The following DEPDC1 variants were observed in gnomAD, a reference collection of about 807,000 sequenced individuals.
DEPDC1 encodes the protein DEP domain containing 1.
DEPDC1 carries 66 observed loss-of-function variants against 86.8 expected under a neutral mutation model. The observed-to-expected ratio is 0.76, with a 90% CI of 0.62 to 0.93. The LOEUF (loss-of-function observed/expected upper bound fraction) is 0.93, where lower values mean the gene tolerates loss of function less well. Among genes scored for constraint, DEPDC1 ranks in the 40% least tolerant of loss-of-function variants. DEPDC1 has a pLI of 0.00. For missense variants in DEPDC1, 792 were observed against 935.7 expected (o/e 0.85, Z 2.00); for synonymous variants, 255 against 314.9 (o/e 0.81, Z 2.02).
Position 68,488,956 on chromosome 1 carries a change from C to T in DEPDC1, c.550G>A (p.Glu184Lys). The T allele has an allele frequency of 1.2e-6, 2 of 1,605,134 alleles. No homozygotes were observed. The highest frequency in any genetic ancestry group is 1.7e-6 in the Non-Finnish European group (2 of 1,174,358). The change falls in exon 4 of 12, where the codon GAA (glutamate) becomes AAA (lysine). Residue 184 changes from glutamate to lysine, a missense_variant. Coordinates refer to ENST00000456315, the MANE Select transcript of DEPDC1 (RefSeq NM_001114120.3). Reference protein sequence around the residue: ...NAIDNRELSQEDVEEVWRYVI... With the variant: ...NAIDNRELSQKDVEEVWRYVI... The stretch of plus-strand genomic sequence containing the variant: ...TATCTCCAAACTTCTTCAACATCTT[C>T]CTGGCTTAGTTCTCTATTATCAATT...
chr1:68,486,794 T>C, intron 6 of DEPDC1, 143 bp downstream of exon 6: 1 of 1,050,000 alleles, frequency 9.5e-7, no homozygotes, highest in Non-Finnish European at 1.2e-6. Context: ...CACTAGACTT[T>C]CATTTATAAA....
At chr1:68,478,620 T>G (rs996998070) in intron 10 of DEPDC1, among the ~76,000 whole-genome samples, 2 of 151,928 alleles carry the variant, frequency 1.3e-5, no homozygotes, top group African/African-American at 4.8e-5. Context: ...AGTAGATGTC[T>G]GTTATTTTGG....
In DEPDC1 at chr1:68,496,856, G is replaced by T; in HGVS notation, c.48+96C>A. On this transcript the variant is annotated intron_variant, in intron 1 of 11. Coordinates refer to ENST00000456315, the MANE Select transcript of DEPDC1 (RefSeq NM_001114120.3). The surrounding 1 kb of genome is among the most constrained non-coding windows in gnomAD (Gnocchi z 4.0). ...TAGGGATCCTGGGACTCATCCCTCCGACCGAGGTAAAACTGCGAACGGTCG... is the reference window on the plus strand; with the variant it reads ...TAGGGATCCTGGGACTCATCCCTCCTACCGAGGTAAAACTGCGAACGGTCG... 2 of 1,282,854 alleles carry T rather than the reference G, an allele frequency of 1.6e-6. No homozygotes were observed. Among genetic ancestry groups the T allele is most frequent in the Non-Finnish European group, 2.2e-6 (2 of 897,976 alleles). 79.5% of individuals were successfully genotyped at this position (1,282,854 alleles called of 1,614,324 possible).
intron 4 of DEPDC1, 144 bp from the exon 5 acceptor site, chr1:68,488,648 T>C: frequency 1.4e-6 from 1 of 717,516 alleles, no homozygotes; most frequent in Non-Finnish European, 2.2e-6. Context: ...TTCAAATACA[T>C]TTATCTCAAT....
At chr1:68,485,409 G>C (rs1462305964) in intron 6 of DEPDC1, among the ~76,000 whole-genome samples, 1 of 151,986 alleles carries the variant, frequency 6.6e-6, no homozygotes, top group Non-Finnish European at 1.5e-5. Context: ...TTCTCTGTTG[G>C]AAAAATTGGG....
At chr1:68,479,789 C>T (rs532560646) in intron 9 of DEPDC1, among the ~76,000 whole-genome samples, 1 of 148,284 alleles carries the variant, frequency 6.7e-6, no homozygotes, top group Non-Finnish European at 1.5e-5. Flanking sequence ...GGAAACAGAG[C>T]GTGATCCTGT....
chr1:68,479,964 ATAAC>A (rs1218807256), intron 9 of DEPDC1, among the ~76,000 whole-genome samples: 3 of 152,050 alleles, frequency 2.0e-5, no homozygotes, highest in Non-Finnish European at 4.4e-5. Flanking sequence ...TCAGAGAACA[ATAAC>A]TAATTACATT....
intron 10 of DEPDC1, among the ~76,000 whole-genome samples, chr1:68,478,714 C>A (rs1488973895): frequency 2.0e-5 from 3 of 151,956 alleles, no homozygotes; most frequent in Non-Finnish European, 4.4e-5. Context: ...AGAATAAATT[C>A]TCCTTTGTGT....
At chr1:68,489,949 TTG>T (rs1646218457) in intron 2 of DEPDC1, among the ~76,000 whole-genome samples, 1 of 152,030 alleles carries the variant, frequency 6.6e-6, no homozygotes, top group Admixed American at 6.6e-5. Context: ...CCTCTTTTGT[TTG>T]TGTTTGTCCT....
chr1:68,484,155 T>C (rs1646177102), intron 6 of DEPDC1, 65 bp from the exon 7 acceptor site: 2 of 1,239,134 alleles, frequency 1.6e-6, no homozygotes, highest in African/African-American at 1.6e-5. Context: ...TTTTTAAACA[T>C]AAAAAGTATA....
chr1:68,478,155 A>G (rs934534852), intron 10 of DEPDC1, among the ~76,000 whole-genome samples, 183 bp from the exon 11 acceptor site: 1 of 151,922 alleles, frequency 6.6e-6, no homozygotes, highest in African/African-American at 2.4e-5. Context: ...CAGCTCCATA[A>G]TCTACTTGGT....
At position 68,489,516 on chromosome 1, in the gene DEPDC1, C is replaced by G; in HGVS notation, c.407G>C (p.Ser136Thr). ...NIENFSKDKDSIFKLRNLSRR... is the reference protein window; with the variant it reads ...NIENFSKDKDTIFKLRNLSRR... ...AGATAAGTTTCGTAATTTAAAAATG[C>G]TATCTTTATCTTTGGAAAAGTTCTC... The change falls in exon 3 of 12, where the codon AGC becomes ACC. Residue 136 changes from serine (S) to threonine (T), a missense_variant. By Grantham distance (58) the Ser-to-Thr change is moderately conservative (BLOSUM62 1). Coordinates refer to ENST00000456315, the MANE Select transcript of DEPDC1 (RefSeq NM_001114120.3). The G allele has an allele frequency of 1.3e-6, 2 of 1,541,700 alleles. No individual in the cohort carries two copies. Among genetic ancestry groups the G allele is most frequent in the South Asian group, 2.6e-5 (2 of 77,680 alleles).
At position 68,489,502 on chromosome 1, in the gene DEPDC1, G is replaced by T. The variant is rs770394914; in HGVS notation, c.421C>A (p.Arg141=). Reference sequence around the variant, plus strand: ...TTAGGAGTTCTACGAGATAAGTTTCGTAATTTAAAAATGCTATCTTTATCT... The same window carrying T: ...TTAGGAGTTCTACGAGATAAGTTTCTTAATTTAAAAATGCTATCTTTATCT... ...SKDKDSIFKL[R]NLSRRTPKRH... The change falls in exon 3 of 12, where the codon CGA becomes AGA. Residue 141 remains arginine, a synonymous_variant. Coordinates refer to ENST00000456315, the MANE Select transcript of DEPDC1 (RefSeq NM_001114120.3). The T allele has an allele frequency of 4.6e-6, 7 of 1,533,308 alleles. No homozygotes were observed. Among genetic ancestry groups the T allele is most frequent in the Non-Finnish European group, 6.1e-6 (7 of 1,150,644 alleles). 95.0% of individuals were successfully genotyped at this position (1,533,308 alleles called of 1,614,324 possible).
At chr1:68,494,930 G>T (rs1244970942) in intron 1 of DEPDC1, among the ~76,000 whole-genome samples, 1 of 152,150 alleles carries the variant, frequency 6.6e-6, no homozygotes, top group Non-Finnish European at 1.5e-5. Context: ...ATCACCGGAG[G>T]TCGGGAGTTC....
intron 7 of DEPDC1, chr1:68,483,591 A>G (rs1377643765): frequency 1.1e-5 from 3 of 284,742 alleles, no homozygotes; most frequent in African/African-American, 4.5e-5. Flanking sequence ...GCATGACCAG[A>G]AAGGGTAGAG....
intron 3 of DEPDC1, 83 bp from the exon 4 acceptor site, chr1:68,489,117 G>T: frequency 1.2e-6 from 1 of 840,946 alleles, no homozygotes; most frequent in Non-Finnish European, 2.0e-6. Context: ...ATTACTATCA[G>T]TCCATTGTGG....
At chr1:68,487,078 A>C in intron 5 of DEPDC1, 94 bp from the exon 6 acceptor site, 1 of 1,067,070 alleles carries the variant, frequency 9.4e-7, no homozygotes, top group Non-Finnish European at 1.3e-6. Flanking sequence ...ATATATATGT[A>C]TATACACATA....
chr1:68,484,639 G>C (rs907394412), intron 6 of DEPDC1, among the ~76,000 whole-genome samples: 2 of 151,948 alleles, frequency 1.3e-5, no homozygotes, highest in African/African-American at 4.8e-5. Flanking sequence ...GAGGCTGAGA[G>C]TACCTTGCCC....
Position 68,496,703 on chromosome 1 carries a change from G to A in DEPDC1, c.48+249C>T. ...GCACAGGAGTCGCTCCTCATAGCGA[G>A]TCTGGTGCGGCCTACGCGCGGCGCT... On this transcript the variant is annotated intron_variant, in intron 1 of 11. Coordinates refer to ENST00000456315, the MANE Select transcript of DEPDC1 (RefSeq NM_001114120.3). The surrounding 1 kb of genome is among the most constrained non-coding windows in gnomAD (Gnocchi z 4.0). 2.3e-6 allele frequency: 1 copy of A among 433,306 alleles called. No homozygotes were observed. The highest frequency in any genetic ancestry group is 4.1e-5 in the Admixed American group (1 of 24,514). 26.8% of individuals were successfully genotyped at this position (433,306 alleles called of 1,614,324 possible). A position where few individuals can be genotyped will look rare whatever the true frequency, so the allele number is the denominator to read the frequency against.
Sources: gnomAD v4.1 joint callset for allele counts (sites outside exome capture counted in the v4.1 genomes callset) on GRCh38, gnomAD v4.1.1 for gene constraint, Gnocchi (gnomAD v3.1) non-coding constraint, MANE v1.5 for transcripts, NCBI Gene and HGNC (gene_info 2026-07-23, HGNC 2026-07-21) for gene names.